Variants in TMEM182 observed in about 807,000 individuals in gnomAD.
TMEM182 encodes transmembrane protein 182.
TMEM182 carries 20 observed loss-of-function variants against 26.8 expected under a neutral mutation model. The observed-to-expected ratio is 0.75, with a 90% CI of 0.53 to 1.09. TMEM182 has a LOEUF of 1.09. Among genes scored for constraint, TMEM182 ranks in the 50% least tolerant of loss-of-function variants. TMEM182 has a pLI of 0.00. For synonymous variants in TMEM182, 109 were observed against 102.2 expected (o/e 1.07, Z -0.40); for missense variants, 277 against 275.5 (o/e 1.01, Z -0.04).
rs1680236708 is a variant in TMEM182 at position 102,762,123 on chromosome 2, T to TGCCAACTCAAAAAAAAAATATTC, written c.-95_-94insGCCAACTCAAAAAAAAAATATTC. 2.1e-5 allele frequency: 1 copy of TGCCAACTCAAAAAAAAAATATTC among 47,798 alleles called. No homozygotes were observed. 3.0% of individuals were successfully genotyped at this position (47,798 alleles called of 1,614,324 possible). On this transcript the variant is annotated 5_prime_UTR_variant, in exon 1 of 5. Coordinates refer to ENST00000412401, the MANE Select transcript of TMEM182 (RefSeq NM_144632.5). The stretch of plus-strand genomic sequence containing the variant: ...TTCTGCCAACTCAAAAATATTATTC[T>TGCCAACTCAAAAAAAAAATATTC]TTTTTTTTTTTTTTTGCTGTTGTTT...
intron 3 of TMEM182, among the ~76,000 whole-genome samples, chr2:102,779,626 G>A (rs2104693516): frequency 6.6e-6 from 1 of 150,938 alleles, no homozygotes; most frequent in African/African-American, 2.4e-5. Flanking sequence ...ATATGTTAAT[G>A]TTTTCATTTT....
intron 1 of TMEM182, among the ~76,000 whole-genome samples, chr2:102,753,324 G>A (rs745982462): frequency 2.0e-5 from 3 of 152,012 alleles, no homozygotes; most frequent in Admixed American, 2.0e-4. Flanking sequence ...AAGCCCCCTT[G>A]GTGTGAATTA....
intron 3 of TMEM182, among the ~76,000 whole-genome samples, chr2:102,786,041 AT>A (rs35677242): frequency 0.54 from 73,379 of 135,830 alleles, 19,495 homozygotes; most frequent in African/African-American, 0.64. Flanking sequence ...GTGTAGATTG[AT>A]TTTTTTTTTT....
At chr2:102,792,989 C>T (rs1681712849) in intron 3 of TMEM182, among the ~76,000 whole-genome samples, 1 of 152,110 alleles carries the variant, frequency 6.6e-6, no homozygotes, top group Non-Finnish European at 1.5e-5. Flanking sequence ...GCATCCCCTC[C>T]ACTGCCCGCT....
rs1429414725 is a variant in TMEM182 at position 102,815,832 on chromosome 2, T to G, written c.*864T>G. The G allele has an allele frequency of 1.1e-6, 1 of 912,286 alleles. No homozygotes were observed. 56.5% of individuals were successfully genotyped at this position (912,286 alleles called of 1,614,324 possible). ...TTGCTATCATTCAGCATGTGAAAAT[T>G]TATTGATAAAATGTGATTTTAATAT... On this transcript the variant is annotated 3_prime_UTR_variant, in exon 5 of 5. Coordinates refer to ENST00000412401, the MANE Select transcript of TMEM182 (RefSeq NM_144632.5).
intron 3 of TMEM182, among the ~76,000 whole-genome samples, chr2:102,780,297 A>G (rs1681113300): frequency 6.6e-6 from 1 of 152,164 alleles, no homozygotes; most frequent in Non-Finnish European, 1.5e-5. Context: ...TGAAGGAAGG[A>G]GTAGGCATTG....
At chr2:102,831,680 C>A (rs572500550) in intron 3 of TMEM182, among the ~76,000 whole-genome samples, 27 of 152,204 alleles carry the variant, frequency 1.8e-4, no homozygotes, top group African/African-American at 6.3e-4. Context: ...TTGCTCAAAC[C>A]TGGGAGGTGG....
At chr2:102,788,884 C>G (rs974959858) in intron 3 of TMEM182, among the ~76,000 whole-genome samples, 6 of 152,210 alleles carry the variant, frequency 3.9e-5, no homozygotes, top group Non-Finnish European at 7.3e-5. Flanking sequence ...GAGCACTGGA[C>G]TTTGCTTGGC....
intron 3 of TMEM182, among the ~76,000 whole-genome samples, chr2:102,831,266 G>C (rs1423881968): frequency 6.6e-6 from 1 of 152,158 alleles, no homozygotes; most frequent in Non-Finnish European, 1.5e-5. Context: ...TCTCCAAACT[G>C]TTCTCCCTAG....
chr2:102,793,130 C>A (rs1681720250), intron 3 of TMEM182, among the ~76,000 whole-genome samples: 1 of 152,184 alleles, frequency 6.6e-6, no homozygotes. Context: ...CTGCTCATCA[C>A]CTCACTTTCT....
At chr2:102,797,028 A>T (rs1238026448) in intron 3 of TMEM182, among the ~76,000 whole-genome samples, 1 of 152,230 alleles carries the variant, frequency 6.6e-6, no homozygotes, top group Non-Finnish European at 1.5e-5. Context: ...ATTGGTTAAG[A>T]TTGGTAATTA....
chr2:102,771,002 C>A (rs144735045), intron 3 of TMEM182, among the ~76,000 whole-genome samples: 1 of 152,314 alleles, frequency 6.6e-6, no homozygotes, highest in Non-Finnish European at 1.5e-5. Context: ...ACCCCCACCT[C>A]TGGCTTGCAG....
intron 3 of TMEM182, among the ~76,000 whole-genome samples, chr2:102,778,997 C>T (rs1437231818): frequency 6.6e-6 from 1 of 152,034 alleles, no homozygotes; most frequent in African/African-American, 2.4e-5. Context: ...CTCCTTTTAT[C>T]TTCTTAGTAA....
chr2:102,793,918 A>G (rs1433323985), intron 3 of TMEM182, among the ~76,000 whole-genome samples: 2 of 152,106 alleles, frequency 1.3e-5, no homozygotes, highest in African/African-American at 4.8e-5. Flanking sequence ...AATAGCAATA[A>G]AAGCCACCAC....
chr2:102,818,966 G>A (rs1057424669), downstream of TMEM182, among the ~76,000 whole-genome samples: 4 of 152,120 alleles, frequency 2.6e-5, no homozygotes, highest in East Asian at 3.8e-4. Flanking sequence ...GAAATAATTG[G>A]CATCCTGCAC....
At chr2:102,834,341 C>T (rs1683202196) in intron 3 of TMEM182, 10 of 976,662 alleles carry the variant, frequency 1.0e-5, no homozygotes, top group Non-Finnish European at 1.2e-5. Context: ...CTGTTTTTTT[C>T]TGTATATTGT....
intron 4 of TMEM182, among the ~76,000 whole-genome samples, chr2:102,810,793 C>A (rs893912502): frequency 2.0e-5 from 3 of 151,950 alleles, no homozygotes; most frequent in African/African-American, 7.3e-5. Flanking sequence ...AAATGTATGA[C>A]CAAATTTAAA....
intron 4 of TMEM182, among the ~76,000 whole-genome samples, chr2:102,799,895 G>A (rs1022183885): frequency 8.6e-5 from 13 of 152,032 alleles, no homozygotes; most frequent in African/African-American, 2.7e-4. Flanking sequence ...GGCCAGCCTC[G>A]GGAGAGAACA....
chr2:102,827,488 C>T (rs1275512928), intron 3 of TMEM182, among the ~76,000 whole-genome samples: 12 of 152,206 alleles, frequency 7.9e-5, no homozygotes, highest in Non-Finnish European at 4.4e-5. Flanking sequence ...TTCTCAGCTT[C>T]ACGGCCCTCC....
Sources: allele counts gnomAD v4.1 joint callset (sites outside exome capture counted in the v4.1 genomes callset), GRCh38; gene constraint gnomAD v4.1.1; transcripts MANE v1.5; gene names NCBI Gene and HGNC (gene_info 2026-07-23, HGNC 2026-07-21).